WAC: variants seen among roughly 807,000 people sequenced by gnomAD.
WAC encodes the protein WW domain containing adaptor with coiled-coil, also known as WW domain-containing adapter protein with coiled-coil.
In WAC, 11 loss-of-function variants were observed where a neutral mutation model predicts 79.6. That is an observed-to-expected ratio of 0.14 (90% CI 0.09 to 0.23). The LOEUF (loss-of-function observed/expected upper bound fraction) is 0.23, where lower values mean the gene tolerates loss of function less well. WAC is among the 10% of genes least tolerant of loss of function. WAC has a pLI of 1.00. For missense variants in WAC, 728 were observed against 773.5 expected (o/e 0.94, Z 0.70); for synonymous variants, 304 against 276.9 (o/e 1.10, Z -0.97).
intron 3 of WAC, among the ~76,000 whole-genome samples, chr10:28,538,717 C>T (rs930914738): frequency 2.0e-5 from 3 of 150,456 alleles, no homozygotes; most frequent in Non-Finnish European, 3.0e-5. Context: ...TAGCAAGACC[C>T]TGTGTCTACT....
Position 28,611,598 on chromosome 10 carries a change from G to A in WAC, c.1289-176G>A. On this transcript the variant is annotated intron_variant, in intron 9 of 13. Coordinates refer to ENST00000354911, the MANE Select transcript of WAC (RefSeq NM_016628.5). ...TCTGAACACACAGCTCACTTAGTCA[G>A]TGTGGCCCAGTGAGAAGGTCAGATT... 3.3e-6 allele frequency: 4 copies of A among 1,214,888 alleles called. No individual in the cohort carries two copies. The South Asian group carries it at 4.8e-5, about 15-fold the overall frequency. The allele number at this position is 1,214,888 out of a possible 1,614,324, so 75.3% of individuals were successfully genotyped here. A position where few individuals can be genotyped will look rare whatever the true frequency, so the allele number is the denominator to read the frequency against.
At position 28,590,757 on chromosome 10, in the gene WAC, A is replaced by G; in HGVS notation, c.535A>G (p.Asn179Asp). ...RQKEANKMAVNSFPKDRDYRR... is the reference protein window; with the variant it reads ...RQKEANKMAVDSFPKDRDYRR... ...AAAAGAAGCAAACAAGATGGCAGTC[A>G]ACAGCTTCCCAAAAGATAGGGATTA... The change falls in exon 6 of 14, where the codon AAC (asparagine) becomes GAC (aspartate). Residue 179 changes from asparagine (N) to aspartate (D), a missense_variant. Physicochemically the swap from Asn to Asp is conservative, Grantham distance 23 (BLOSUM62 1). This residue lies in a region of WAC where 648 missense variants were observed against 661.5 expected (regional missense o/e 0.98). Transcript: ENST00000354911. The G allele has an allele frequency of 6.2e-7, 1 of 1,611,522 alleles. No individual in the cohort carries two copies. Among genetic ancestry groups the G allele is most frequent in the South Asian group, 1.1e-5 (1 of 90,020 alleles).
chr10:28,595,694 G>A lies in WAC; in HGVS notation c.611-39G>A, dbSNP rs1840328036. The stretch of plus-strand genomic sequence containing the variant: ...TGTAATCTTTTTTCTTCCCCCTTCT[G>A]TCATTCCAACATCTGTTTTTTCGAA... On this transcript the variant is annotated intron_variant, in intron 6 of 13. Coordinates refer to ENST00000354911, the MANE Select transcript of WAC (RefSeq NM_016628.5). 6 of 1,583,740 alleles carry A rather than the reference G, an allele frequency of 3.8e-6. No individual in the cohort carries two copies. The East Asian group carries it at 1.3e-4, about 36-fold the overall frequency.
At chr10:28,541,694 G>C (rs1837061308) in intron 3 of WAC, among the ~76,000 whole-genome samples, 1 of 152,038 alleles carries the variant, frequency 6.6e-6, no homozygotes, top group African/African-American at 2.4e-5. Context: ...CTGTTGTACT[G>C]ATGAAATTAT....
chr10:28,591,861 T>G (rs1024185358), intron 6 of WAC: 4 of 143,228 alleles, frequency 2.8e-5, no homozygotes, highest in African/African-American at 7.8e-5. Flanking sequence ...AAAAAAAAAA[T>G]TAACTGTCAC....
chr10:28,611,257 A>G, intron 9 of WAC: 1 of 1,292,608 alleles, frequency 7.7e-7, no homozygotes, highest in Non-Finnish European at 1.0e-6. Context: ...TGAATTAGAT[A>G]TCCCTCTTCA....
chr10:28,577,550 T>A (rs985242968), intron 3 of WAC, among the ~76,000 whole-genome samples: 1 of 152,346 alleles, frequency 6.6e-6, no homozygotes, highest in South Asian at 2.1e-4. Flanking sequence ...AGTACAGATA[T>A]GTGGCTTTCT....
intron 3 of WAC, among the ~76,000 whole-genome samples, chr10:28,568,162 A>C (rs985660377): frequency 6.6e-6 from 1 of 152,186 alleles, no homozygotes; most frequent in East Asian, 1.9e-4. Flanking sequence ...GATAGGTGTT[A>C]TAGAGGGCAA....
intron 4 of WAC, among the ~76,000 whole-genome samples, chr10:28,584,557 G>A (rs1456478608): frequency 6.6e-6 from 1 of 152,084 alleles, no homozygotes; most frequent in Non-Finnish European, 1.5e-5. Flanking sequence ...ATTATCTCGG[G>A]TAGCAGTGTG....
At chr10:28,609,464 A>G (rs1401321244) in intron 8 of WAC, among the ~76,000 whole-genome samples, 3 of 152,198 alleles carry the variant, frequency 2.0e-5, no homozygotes, top group African/African-American at 7.2e-5. Context: ...AAATAAAGCT[A>G]TCTCAGGCTA....
chr10:28,593,431 T>C (rs888554459), intron 6 of WAC, among the ~76,000 whole-genome samples: 1 of 152,136 alleles, frequency 6.6e-6, no homozygotes, highest in African/African-American at 2.4e-5. Context: ...GGTTTTTGTT[T>C]TTGTTTTTTT....
chr10:28,551,063 T>C (rs1476025143), intron 3 of WAC, among the ~76,000 whole-genome samples: 3 of 152,192 alleles, frequency 2.0e-5, no homozygotes, highest in Non-Finnish European at 4.4e-5. Flanking sequence ...AGGAGATTTT[T>C]ATGGTTTTCC....
At chr10:28,537,682 T>G (rs766836769) in intron 3 of WAC, 1 of 152,246 alleles carries the variant, frequency 6.6e-6, no homozygotes, top group Non-Finnish European at 1.5e-5. Context: ...GGAGTCAAGA[T>G]GTGATCCTGG....
Position 28,622,414 on chromosome 10 carries a change from T to TCC in WAC, c.*2810_*2811dup. ...GCCTCTAGGGAACTTGAGTGGCCTTTCCCTCCCCCTGCCCCCCCCCCCCCC... is the reference window on the plus strand; with the variant it reads ...GCCTCTAGGGAACTTGAGTGGCCTTTCCCCCTCCCCCTGCCCCCCCCCCCCCC... On this transcript the variant is annotated 3_prime_UTR_variant, in exon 14 of 14. Transcript: ENST00000354911. 8.3e-5 allele frequency: 1 copy of TCC among 12,114 alleles called. No homozygotes were observed. Among genetic ancestry groups the TCC allele is most frequent in the Non-Finnish European group, 2.8e-4 (1 of 3,552 alleles). 0.8% of individuals were successfully genotyped at this position (12,114 alleles called of 1,614,324 possible).
chr10:28,570,767 C>T (rs1384147249), intron 3 of WAC, among the ~76,000 whole-genome samples: 4 of 151,864 alleles, frequency 2.6e-5, no homozygotes, highest in Admixed American at 6.6e-5. Flanking sequence ...GTGTTAGTGA[C>T]GTAGGCAGAG....
intron 2 of WAC, among the ~76,000 whole-genome samples, chr10:28,534,827 T>G (rs141781140): frequency 2.0e-5 from 3 of 152,270 alleles, no homozygotes; most frequent in African/African-American, 7.2e-5. Flanking sequence ...TCTTCTGATA[T>G]GTAAAACATT....
intron 3 of WAC, among the ~76,000 whole-genome samples, chr10:28,567,204 G>GT (rs748794035): frequency 7.8e-6 from 1 of 128,988 alleles, no homozygotes; most frequent in Non-Finnish European, 1.7e-5. Context: ...TTTCTTTTTT[G>GT]TTGGGGGGAC....
Position 28,620,906 on chromosome 10 carries a change from C to G in WAC, c.*1300C>G, listed in dbSNP as rs1198164822. Reference sequence around the variant, plus strand: ...AAATTTGTGTAATTGGAGCTTCCTGCTGTTATCTGGAAATAGCAGGAAAGC... The same window carrying G: ...AAATTTGTGTAATTGGAGCTTCCTGGTGTTATCTGGAAATAGCAGGAAAGC... On this transcript the variant is annotated 3_prime_UTR_variant, in exon 14 of 14. Coordinates refer to ENST00000354911, the MANE Select transcript of WAC (RefSeq NM_016628.5). 1 of 152,126 alleles carries G rather than the reference C, an allele frequency of 6.6e-6. No individual in the cohort carries two copies. The highest frequency in any genetic ancestry group is 1.5e-5 in the Non-Finnish European group (1 of 68,014). 9.4% of individuals were successfully genotyped at this position (152,126 alleles called of 1,614,324 possible).
At chr10:28,580,848 C>G (rs980617276) in intron 3 of WAC, among the ~76,000 whole-genome samples, 3 of 151,970 alleles carry the variant, frequency 2.0e-5, no homozygotes, top group Non-Finnish European at 2.9e-5. Flanking sequence ...ATCCTAAAAC[C>G]ATTTGTGAGG....
Sources: gnomAD v4.1 joint callset for allele counts (sites outside exome capture counted in the v4.1 genomes callset) on GRCh38, gnomAD v4.1.1 for gene constraint, gnomAD v4.1.1 regional missense constraint, MANE v1.5 for transcripts, NCBI Gene and HGNC (gene_info 2026-07-23, HGNC 2026-07-21) for gene names.